Variants in MEGF11 observed in about 807,000 individuals in gnomAD.
MEGF11 encodes multiple EGF like domains 11, also known as multiple epidermal growth factor-like domains protein 11.
MEGF11 carries 126 observed loss-of-function variants against 146.6 expected under a neutral mutation model. That is an observed-to-expected ratio of 0.86 (90% CI 0.74 to 1.00). The LOEUF is 1.00. MEGF11 is among the 50% of genes least tolerant of loss of function. The pLI is 0.00. For missense variants in MEGF11, 1,509 were observed against 1,521.2 expected (o/e 0.99, Z 0.13); for synonymous variants, 532 against 583.4 (o/e 0.91, Z 1.27).
rs1024463159 is a variant in MEGF11, at chr15:65,920,904, C to T, written c.1957+1434G>A. On this transcript the variant is annotated intron_variant, in intron 15 of 25. Transcript: ENST00000395614. ...AACGCAGCATCTGAGAGTTACTCCT[C>T]GGGCTGCATGGGTCCTAATTTAGAC... 5.9e-5 allele frequency among the ~76,000 whole-genome samples: 9 copies of T among 152,330 alleles called. No homozygotes were observed. The East Asian group carries it at 1.2e-3, about 20-fold the overall frequency.
chr15:66,251,501 GCAACAAACTGT>G (rs1401347423), intron 1 of MEGF11, among the ~76,000 whole-genome samples: 1 of 152,184 alleles, frequency 6.6e-6, no homozygotes, highest in East Asian at 1.9e-4. Flanking sequence ...GAACAGGTAT[GCAACAAACTGT>G]CACATGAGTG....
chr15:66,045,756 C>A (rs1245982600), intron 5 of MEGF11, among the ~76,000 whole-genome samples: 1 of 152,142 alleles, frequency 6.6e-6, no homozygotes, highest in South Asian at 2.1e-4. Context: ...TGGCAGGGCA[C>A]TTTCTTCACC....
chr15:66,002,791 G>T (rs1383273745), intron 5 of MEGF11, among the ~76,000 whole-genome samples: 1 of 152,126 alleles, frequency 6.6e-6, no homozygotes, highest in Non-Finnish European at 1.5e-5. Flanking sequence ...AGGTGACTCA[G>T]AGAGGTTGAG....
At chr15:65,938,312 C>T (rs530637929) in intron 10 of MEGF11, among the ~76,000 whole-genome samples, 10 of 152,238 alleles carry the variant, frequency 6.6e-5, no homozygotes, top group African/African-American at 1.9e-4. Context: ...ACTCAGATCT[C>T]CTAGCTCCCA....
At chr15:66,187,672 A>G (rs1162835810) in intron 1 of MEGF11, among the ~76,000 whole-genome samples, 1 of 126,662 alleles carries the variant, frequency 7.9e-6, no homozygotes, top group Non-Finnish European at 1.6e-5. Flanking sequence ...GGGGAGGAGC[A>G]ATGGAACAGA....
At chr15:66,201,501 G>T (rs2140092189) in intron 1 of MEGF11, among the ~76,000 whole-genome samples, 1 of 152,202 alleles carries the variant, frequency 6.6e-6, no homozygotes, top group African/African-American at 2.4e-5. Flanking sequence ...ACTGGACAGG[G>T]GTGATGCTCA....
intron 4 of MEGF11, among the ~76,000 whole-genome samples, chr15:66,109,216 A>G (rs1173413659): frequency 6.6e-6 from 1 of 151,864 alleles, no homozygotes; most frequent in Admixed American, 6.6e-5. Context: ...CACACCCCCC[A>G]TAACTTGCCT....
Position 66,094,484 on chromosome 15 carries a change from C to G in MEGF11, c.312G>C (p.Thr104=). 6.4e-7 allele frequency: 1 copy of G among 1,560,782 alleles called. No individual in the cohort carries two copies. The highest frequency in any genetic ancestry group is 8.7e-7 in the Non-Finnish European group (1 of 1,152,084). The part of the protein sequence containing the change: ...ESGDFCIPLC[T]EECVHGRCVS... ...CGCAGCGGCCGTGCACACACTCCTC[C>G]GTACACAGGGCTGAGGGGACATGGG... The change falls in exon 5 of 26, where the codon ACG becomes ACC. Residue 104 remains threonine (T), a synonymous_variant. Transcript: ENST00000395614.
intron 17 of MEGF11, 185 bp downstream of exon 17, chr15:65,916,643 A>T: frequency 9.3e-7 from 1 of 1,074,078 alleles, no homozygotes. Flanking sequence ...CAATCCCCTG[A>T]ATCCAGTCAG....
At chr15:66,172,858 G>T (rs141576855) in intron 1 of MEGF11, among the ~76,000 whole-genome samples, 27 of 152,320 alleles carry the variant, frequency 1.8e-4, no homozygotes, top group Non-Finnish European at 2.6e-4. Flanking sequence ...CGCAGTCACA[G>T]CAGGGCTGGC....
At chr15:65,995,222 T>C (rs1018507054) in intron 5 of MEGF11, among the ~76,000 whole-genome samples, 1 of 152,198 alleles carries the variant, frequency 6.6e-6, no homozygotes, top group Non-Finnish European at 1.5e-5. Context: ...GTACACAGCC[T>C]GGGTAGGCTG....
intron 5 of MEGF11, among the ~76,000 whole-genome samples, chr15:66,028,605 A>T (rs1312039741): frequency 6.6e-6 from 1 of 152,238 alleles, no homozygotes; most frequent in Non-Finnish European, 1.5e-5. Flanking sequence ...GAAGATATTC[A>T]TTGCAACATT....
chr15:66,065,663 G>C (rs1383200488), intron 5 of MEGF11, among the ~76,000 whole-genome samples: 2 of 152,242 alleles, frequency 1.3e-5, no homozygotes, highest in African/African-American at 4.8e-5. Flanking sequence ...ACACTGCCGA[G>C]TGTGGCTTAA....
intron 5 of MEGF11, among the ~76,000 whole-genome samples, chr15:66,016,054 C>T (rs1212735868): frequency 6.6e-6 from 1 of 151,894 alleles, no homozygotes; most frequent in Non-Finnish European, 1.5e-5. Context: ...GGTATCAAAT[C>T]ATAGAATGGG....
intron 5 of MEGF11, among the ~76,000 whole-genome samples, chr15:66,089,693 G>A (rs1161025915): frequency 6.6e-6 from 1 of 152,212 alleles, no homozygotes; most frequent in Admixed American, 6.5e-5. Flanking sequence ...CCGTACAGCT[G>A]AAATCTCATA....
chr15:66,007,429 A>G (rs1384964705), intron 5 of MEGF11, among the ~76,000 whole-genome samples: 1 of 152,270 alleles, frequency 6.6e-6, no homozygotes, highest in East Asian at 1.9e-4. Context: ...CCCTGTGTGC[A>G]TGCTAGGGTA....
intron 3 of MEGF11, among the ~76,000 whole-genome samples, chr15:66,123,346 C>T (rs1311324859): frequency 1.3e-5 from 2 of 152,202 alleles, no homozygotes; most frequent in Non-Finnish European, 2.9e-5. Context: ...GCCAGATGCC[C>T]TGATATGGGG....
At chr15:66,222,493 G>A (rs541461388) in intron 1 of MEGF11, among the ~76,000 whole-genome samples, 1 of 152,236 alleles carries the variant, frequency 6.6e-6, no homozygotes, top group South Asian at 2.1e-4. Flanking sequence ...GACTCCTTGT[G>A]TTTGCCTCCT....
At chr15:66,200,250 A>G (rs1484551873) in intron 1 of MEGF11, among the ~76,000 whole-genome samples, 1 of 152,228 alleles carries the variant, frequency 6.6e-6, no homozygotes, top group Non-Finnish European at 1.5e-5. Flanking sequence ...TTGGTTTTCT[A>G]CTTTATACGT....
Sources: gnomAD v4.1 joint callset for allele counts (sites outside exome capture counted in the v4.1 genomes callset) on GRCh38, gnomAD v4.1.1 for gene constraint, MANE v1.5 for transcripts, NCBI Gene and HGNC (gene_info 2026-07-23, HGNC 2026-07-21) for gene names.